Variants in PACSIN2 observed in about 807,000 individuals in gnomAD.
The protein encoded by PACSIN2 is protein kinase C and casein kinase substrate in neurons protein 2.
In PACSIN2, 25 loss-of-function variants were observed where a neutral mutation model predicts 63.8. The ratio of observed to expected loss-of-function variants is 0.39; its 90% confidence interval spans 0.29 to 0.55. The LOEUF is 0.55. Ranked by LOEUF, PACSIN2 falls within the 20% of genes least tolerant of loss-of-function variation. The pLI, the probability that PACSIN2 is intolerant of heterozygous loss-of-function variation, is 0.62. For missense variants in PACSIN2, 518 were observed against 646.9 expected (o/e 0.80, Z 2.16); for synonymous variants, 255 against 256.2 (o/e 1.00, Z 0.05).
chr22:42,876,279 C>T lies in PACSIN2; in HGVS notation c.1206G>A (p.Glu402=). 3 of 1,614,218 alleles carry T rather than the reference C, an allele frequency of 1.9e-6. No homozygotes were observed. In the Middle Eastern group the frequency reaches 4.9e-4, roughly 266 times the overall value. The change falls in exon 10 of 11, where the codon GAG becomes GAA. Residue 402 remains glutamate (E), a synonymous_variant. Coordinates refer to ENST00000263246, the MANE Select transcript of PACSIN2 (RefSeq NM_001184970.3). ...CCGTGGAGGAGAAGGGGTTGTTAGA[C>T]TCATCGTCTGACCAGTCGGTGGGAT... ...QSYPTDWSDD[E]SNNPFSSTDA...
chr22:42,958,357 G>T (rs906426099), intron 1 of PACSIN2, among the ~76,000 whole-genome samples: 1 of 152,130 alleles, frequency 6.6e-6, no homozygotes, highest in Non-Finnish European at 1.5e-5. Context: ...GCCACCAAAT[G>T]AATAACAGAA....
At chr22:42,955,223 T>C (rs1933863370) in intron 1 of PACSIN2, among the ~76,000 whole-genome samples, 2 of 151,986 alleles carry the variant, frequency 1.3e-5, no homozygotes, top group African/African-American at 4.8e-5. Context: ...ATCCCTAGAG[T>C]CTAGCACAGT....
intron 2 of PACSIN2, among the ~76,000 whole-genome samples, chr22:42,904,256 C>T (rs1321392863): frequency 2.0e-5 from 3 of 152,230 alleles, no homozygotes; most frequent in Admixed American, 6.5e-5. Context: ...CCCCGCGACA[C>T]CCTACATGGC....
intron 4 of PACSIN2, among the ~76,000 whole-genome samples, chr22:42,890,721 T>C (rs113790119): frequency 0.017 from 2,591 of 152,190 alleles, 81 homozygotes; most frequent in African/African-American, 0.06. Flanking sequence ...TCTCAAAAAA[T>C]AAAAATAAAA....
intron 10 of PACSIN2, among the ~76,000 whole-genome samples, chr22:42,873,935 T>G (rs1323535306): frequency 2.0e-5 from 3 of 152,072 alleles, no homozygotes; most frequent in Non-Finnish European, 4.4e-5. Flanking sequence ...ATTACAGGTG[T>G]GTGCCACCAT....
Position 42,869,849 on chromosome 22 carries a change from T to C in PACSIN2, c.*1508A>G, listed in dbSNP as rs1381102864. On this transcript the variant is annotated 3_prime_UTR_variant, in exon 11 of 11. Transcript: ENST00000263246. ...AAGGAACTGTTAAACTGAAAAAGAC[T>C]TGACAATTTTTGGTAAATCCGTAGC... 6 of 152,388 alleles carry C rather than the reference T, an allele frequency of 3.9e-5. No individual in the cohort carries two copies. Among genetic ancestry groups the C allele is most frequent in the Admixed American group, 3.3e-4 (5 of 15,290 alleles). 9.4% of individuals were successfully genotyped at this position (152,388 alleles called of 1,614,324 possible).
At chr22:42,950,364 T>C (rs1470167587) in intron 1 of PACSIN2, among the ~76,000 whole-genome samples, 1 of 2,574 alleles carries the variant, frequency 3.9e-4, no homozygotes, top group Non-Finnish European at 6.5e-4. Flanking sequence ...ATTGTCTAAA[T>C]ACTAGGAAAG....
intron 4 of PACSIN2, among the ~76,000 whole-genome samples, chr22:42,889,153 G>A (rs989676747): frequency 6.6e-6 from 1 of 152,132 alleles, no homozygotes; most frequent in African/African-American, 2.4e-5. Flanking sequence ...GACGGAGCAT[G>A]GGGTGGGTGG....
chr22:42,965,547 G>C (rs956888094), intron 1 of PACSIN2, among the ~76,000 whole-genome samples: 1 of 152,220 alleles, frequency 6.6e-6, no homozygotes. Context: ...CAATACAGTG[G>C]TGACTGACAT....
chr22:42,948,895 G>A (rs1162911746), intron 1 of PACSIN2, among the ~76,000 whole-genome samples: 1 of 152,172 alleles, frequency 6.6e-6, no homozygotes, highest in Non-Finnish European at 1.5e-5. Context: ...AAATGAACTA[G>A]CCAGTAATTT....
At chr22:43,010,456 T>C (rs1924412087) in intron 1 of PACSIN2, among the ~76,000 whole-genome samples, 1 of 150,506 alleles carries the variant, frequency 6.6e-6, no homozygotes, top group Admixed American at 6.7e-5. Context: ...ACGCCTGTAA[T>C]CCCAGCACTT....
intron 1 of PACSIN2, among the ~76,000 whole-genome samples, chr22:42,984,917 C>A (rs1314891751): frequency 6.6e-6 from 1 of 152,166 alleles, no homozygotes; most frequent in Non-Finnish European, 1.5e-5. Flanking sequence ...GTAGGCCCCA[C>A]CCCTAGTTTT....
chr22:42,895,503 C>T (rs546701290), intron 2 of PACSIN2, among the ~76,000 whole-genome samples: 2 of 152,302 alleles, frequency 1.3e-5, no homozygotes, highest in Admixed American at 6.5e-5. Flanking sequence ...ACCTGCTTAT[C>T]TCTGTGATTT....
chr22:42,958,195 G>A (rs1569323564), intron 1 of PACSIN2, among the ~76,000 whole-genome samples: 1 of 152,046 alleles, frequency 6.6e-6, no homozygotes, highest in African/African-American at 2.4e-5. Flanking sequence ...CATGACCAGG[G>A]TTTCAGACTC....
chr22:42,884,356 C>T lies in PACSIN2; in HGVS notation c.785+30G>A, dbSNP rs369474399. Reference sequence around the variant, plus strand: ...AAGCACTTTCCGTTGACTTCAATGACGTGTGTGTTTTAGCTCAAAGGAAAC... The same window carrying T: ...AAGCACTTTCCGTTGACTTCAATGATGTGTGTGTTTTAGCTCAAAGGAAAC... On this transcript the variant is annotated intron_variant, in intron 6 of 10. Transcript: ENST00000263246. The T allele has an allele frequency of 6.9e-6, 11 of 1,593,670 alleles. No homozygotes were observed. The Admixed American group carries it at 8.7e-5, about 13-fold the overall frequency.
At chr22:42,974,574 C>A (rs1921550355) in intron 1 of PACSIN2, among the ~76,000 whole-genome samples, 1 of 151,900 alleles carries the variant, frequency 6.6e-6, no homozygotes, top group African/African-American at 2.4e-5. Context: ...CATGGTGAAA[C>A]CCTGCCTCTA....
At chr22:42,872,711 G>A (rs1004768815) in intron 10 of PACSIN2, among the ~76,000 whole-genome samples, 1 of 152,182 alleles carries the variant, frequency 6.6e-6, no homozygotes, top group African/African-American at 2.4e-5. Flanking sequence ...TGGACTGGGG[G>A]TACTGTGAAG....
At position 42,882,274 on chromosome 22, in the gene PACSIN2, C is replaced by A; in HGVS notation, c.816G>T (p.Gln272His). Residue 272 changes from glutamine to histidine, a missense_variant, in exon 7 of 11, where the codon CAG becomes CAT. By Grantham distance (24) the Gln-to-His change is conservative. Coordinates refer to ENST00000263246, the MANE Select transcript of PACSIN2 (RefSeq NM_001184970.3). ...GYKAIYHDLE[Q>H]SIRAADAVED... The stretch of plus-strand genomic sequence containing the variant: ...CCACTGCATCAGCTGCTCTGATGCT[C>A]TGCTCCAGGTCATGGTAAATGGCTT... 6.2e-7 allele frequency: 1 copy of A among 1,613,768 alleles called. No individual in the cohort carries two copies. Among genetic ancestry groups the A allele is most frequent in the Middle Eastern group, 1.7e-4 (1 of 6,058 alleles).
intron 1 of PACSIN2, among the ~76,000 whole-genome samples, chr22:42,983,863 C>T (rs1235349633): frequency 6.6e-6 from 1 of 151,822 alleles, no homozygotes; most frequent in Non-Finnish European, 1.5e-5. Context: ...GAGACAGATA[C>T]TTAATGACCA....
Sources: gnomAD v4.1 joint callset for allele counts (sites outside exome capture counted in the v4.1 genomes callset) on GRCh38, gnomAD v4.1.1 for gene constraint, MANE v1.5 for transcripts, NCBI Gene and HGNC (gene_info 2026-07-23, HGNC 2026-07-21) for gene names.